The following SGCZ variants were observed in gnomAD, a reference collection of about 807,000 sequenced individuals.
The protein encoded by SGCZ is zeta-sarcoglycan.
In SGCZ, 40 loss-of-function variants were observed where a neutral mutation model predicts 41.3. The observed-to-expected ratio is 0.97, with a 90% CI of 0.75 to 1.26. The LOEUF (loss-of-function observed/expected upper bound fraction) is 1.26. SGCZ is among the 50% of genes most tolerant of loss of function. SGCZ has a pLI of 0.00. For missense variants in SGCZ, 552 were observed against 369.8 expected (o/e 1.49, Z -4.04); for synonymous variants, 206 against 137.5 (o/e 1.50, Z -3.49).
At position 14,516,723 on chromosome 8, in the gene SGCZ, G is replaced by A. The variant is rs542687415; in HGVS notation, c.234+38009C>T. Reference sequence around the variant, plus strand: ...TTTTTCTTGTTCACCGTTGACATGCGTCTTTCATCATTAGCTGCTATGGAG... The same window carrying A: ...TTTTTCTTGTTCACCGTTGACATGCATCTTTCATCATTAGCTGCTATGGAG... On this transcript the variant is annotated intron_variant, in intron 2 of 7. Coordinates refer to ENST00000382080, the MANE Select transcript of SGCZ (RefSeq NM_139167.4). 2.6e-5 allele frequency among the ~76,000 whole-genome samples: 4 copies of A among 152,104 alleles called. 1 individual carries two copies. The South Asian group carries it at 6.2e-4, about 24-fold the overall frequency.
intron 2 of SGCZ, among the ~76,000 whole-genome samples, chr8:14,423,347 CTACT>C (rs1235614265): frequency 3.3e-5 from 5 of 151,958 alleles, no homozygotes; most frequent in Non-Finnish European, 5.9e-5. Flanking sequence ...AAACTGTATC[CTACT>C]TAATTTTTTA....
chr8:14,554,709 T>C (rs766723030), intron 2 of SGCZ, 23 bp downstream of exon 2: 4 of 1,587,082 alleles, frequency 2.5e-6, no homozygotes, highest in Admixed American at 3.4e-5. Context: ...AGCAATAAGA[T>C]GTAAAATCAT....
chr8:15,016,839 G>C (rs1172324201), intron 1 of SGCZ, among the ~76,000 whole-genome samples: 2 of 152,076 alleles, frequency 1.3e-5, no homozygotes, highest in South Asian at 4.1e-4. Context: ...ATGGTGGAAG[G>C]CAAAGGGAAT....
chr8:14,510,913 G>C (rs1384329728), intron 2 of SGCZ, among the ~76,000 whole-genome samples: 7 of 152,122 alleles, frequency 4.6e-5, no homozygotes, highest in Admixed American at 4.6e-4. Context: ...AATGAAGATA[G>C]TGGCCTTCTC....
At chr8:14,694,167 G>A (rs1808887584) in intron 1 of SGCZ, among the ~76,000 whole-genome samples, 1 of 152,038 alleles carries the variant, frequency 6.6e-6, no homozygotes, top group Non-Finnish European at 1.5e-5. Context: ...CACACAATAA[G>A]CACTCTCAGG....
rs114630074 is a variant in SGCZ, at chr8:15,051,408, C to T, written c.39+186177G>A. Reference sequence around the variant, plus strand: ...TACCACAATTTTTTATTTAGCTATCCTCCTCTCGATAGACATGTAGTTTGT... The same window carrying T: ...TACCACAATTTTTTATTTAGCTATCTTCCTCTCGATAGACATGTAGTTTGT... On this transcript the variant is annotated intron_variant, in intron 1 of 7. Coordinates refer to ENST00000382080, the MANE Select transcript of SGCZ (RefSeq NM_139167.4). Among the ~76,000 whole-genome samples the T allele has an allele frequency of 3.7e-3, 558 of 151,966 alleles. 5 individuals carry two copies. Among genetic ancestry groups the T allele is most frequent in the African/African-American group, 0.013 (541 of 41,440 alleles).
intron 2 of SGCZ, among the ~76,000 whole-genome samples, chr8:14,430,497 C>T (rs1209553265): frequency 6.6e-6 from 1 of 152,086 alleles, no homozygotes; most frequent in East Asian, 1.9e-4. Context: ...ATCCAGCAAA[C>T]TTTATGACGA....
intron 2 of SGCZ, among the ~76,000 whole-genome samples, chr8:14,368,166 T>A (rs1803779944): frequency 6.6e-6 from 1 of 152,076 alleles, no homozygotes; most frequent in East Asian, 1.9e-4. Flanking sequence ...TTCAATTTAA[T>A]TATGCAATAT....
rs1217685548 is a variant in SGCZ, at chr8:14,362,671, G to C, written c.235-38467C>G. ...CCCCCCAGATGAGGCGACACCCCAT[G>C]CTGCTTTGGCTCACCCTCTGCGGGC... On this transcript the variant is annotated intron_variant, in intron 2 of 7. Coordinates refer to ENST00000382080, the MANE Select transcript of SGCZ (RefSeq NM_139167.4). Among the ~76,000 whole-genome samples the C allele has an allele frequency of 2.6e-5, 4 of 152,132 alleles. No individual in the cohort carries two copies. In the East Asian group the frequency reaches 7.7e-4, roughly 29 times the overall value.
At chr8:14,208,441 A>ATT (rs1805688847) in intron 4 of SGCZ, among the ~76,000 whole-genome samples, 1 of 152,174 alleles carries the variant, frequency 6.6e-6, no homozygotes, top group African/African-American at 2.4e-5. Flanking sequence ...TAGAGCAAGT[A>ATT]TGGAGGAACC....
intron 4 of SGCZ, among the ~76,000 whole-genome samples, chr8:14,165,803 A>AAAAC (rs1258366725): frequency 6.6e-6 from 1 of 152,142 alleles, no homozygotes; most frequent in Non-Finnish European, 1.5e-5. Flanking sequence ...TTTGTATTCC[A>AAAAC]AAACATCCTT....
chr8:14,585,879 A>G (rs971826805), intron 1 of SGCZ, among the ~76,000 whole-genome samples: 19 of 152,238 alleles, frequency 1.2e-4, no homozygotes, highest in African/African-American at 4.6e-4. Context: ...AATCACCTTC[A>G]GTAAATCATG....
intron 1 of SGCZ, among the ~76,000 whole-genome samples, chr8:14,834,366 A>C (rs757941325): frequency 2.0e-5 from 3 of 152,190 alleles, no homozygotes; most frequent in Non-Finnish European, 2.9e-5. Flanking sequence ...TGTGTCACTC[A>C]AGATGGGCTA....
At chr8:14,375,369 G>A (rs1349416304) in intron 2 of SGCZ, among the ~76,000 whole-genome samples, 2 of 152,074 alleles carry the variant, frequency 1.3e-5, no homozygotes, top group African/African-American at 4.8e-5. Context: ...AGGTCAAGTG[G>A]CCAAAAATAT....
chr8:14,935,957 A>T (rs1241822690), intron 1 of SGCZ, among the ~76,000 whole-genome samples: 2 of 151,956 alleles, frequency 1.3e-5, no homozygotes, highest in African/African-American at 4.8e-5. Flanking sequence ...AATAATTTAA[A>T]ACAAAAATGT....
At chr8:14,322,114 G>C (rs191745823) in intron 3 of SGCZ, among the ~76,000 whole-genome samples, 141 of 152,254 alleles carry the variant, frequency 9.3e-4, no homozygotes, top group African/African-American at 3.2e-3. Context: ...GTGGAAGGCA[G>C]TCTGGAGATT....
chr8:14,146,899 T>C (rs1326270373), intron 5 of SGCZ, among the ~76,000 whole-genome samples: 1 of 144,156 alleles, frequency 6.9e-6, no homozygotes, highest in Non-Finnish European at 1.5e-5. Context: ...AAAATAATAA[T>C]AATAATAACT....
intron 7 of SGCZ, among the ~76,000 whole-genome samples, chr8:14,094,370 T>C (rs1429861957): frequency 2.0e-5 from 3 of 151,602 alleles, no homozygotes; most frequent in African/African-American, 7.3e-5. Context: ...AACTCCCAAT[T>C]AGGAGTACAT....
At chr8:14,565,979 G>A (rs1804347172) in intron 1 of SGCZ, among the ~76,000 whole-genome samples, 1 of 151,958 alleles carries the variant, frequency 6.6e-6, no homozygotes, top group Admixed American at 6.6e-5. Context: ...TTATTTTGAT[G>A]TAAAATTTTC....
Sources: gnomAD v4.1 joint callset for allele counts (sites outside exome capture counted in the v4.1 genomes callset) on GRCh38, gnomAD v4.1.1 for gene constraint, MANE v1.5 for transcripts, NCBI Gene and HGNC (gene_info 2026-07-23, HGNC 2026-07-21) for gene names.